The following SUMF1 variants were observed in gnomAD, a reference collection of about 807,000 sequenced individuals.
SUMF1 encodes the protein formylglycine-generating enzyme.
Under a neutral mutation model 47.6 loss-of-function variants are expected in SUMF1, and 48 were observed. The ratio of observed to expected loss-of-function variants is 1.01; its 90% confidence interval spans 0.80 to 1.28. The LOEUF is 1.28. Among genes scored for constraint, SUMF1 ranks in the 50% most tolerant of loss-of-function variants. The pLI, the probability that SUMF1 is intolerant of heterozygous loss-of-function variation, is 0.00. For synonymous variants in SUMF1, 230 were observed against 192.1 expected (o/e 1.20, Z -1.63); for missense variants, 571 against 485.4 (o/e 1.18, Z -1.66).
chr3:4,079,512 G>T (rs993175015), intron 8 of SUMF1, among the ~76,000 whole-genome samples: 1 of 151,716 alleles, frequency 6.6e-6, no homozygotes, highest in African/African-American at 2.4e-5. Context: ...ATGGGCTCTG[G>T]GGTTAGATTT....
intron 8 of SUMF1, among the ~76,000 whole-genome samples, chr3:4,309,969 G>A (rs1418663438): frequency 6.6e-6 from 1 of 152,202 alleles, no homozygotes; most frequent in Non-Finnish European, 1.5e-5. Flanking sequence ...AGATGGTATA[G>A]CCTACTACAC....
chr3:4,373,119 C>CA (rs1326563418), intron 8 of SUMF1, among the ~76,000 whole-genome samples: 1 of 151,884 alleles, frequency 6.6e-6, no homozygotes, highest in Non-Finnish European at 1.5e-5. Flanking sequence ...TTAAATCAAC[C>CA]ACTAAGATTA....
At chr3:4,203,830 C>A (rs1025596000) in intron 8 of SUMF1, among the ~76,000 whole-genome samples, 1 of 151,650 alleles carries the variant, frequency 6.6e-6, no homozygotes, top group Non-Finnish European at 1.5e-5. Flanking sequence ...AAATTGATAA[C>A]AACATTGATT....
chr3:4,436,558 A>G (rs544877781), intron 3 of SUMF1, among the ~76,000 whole-genome samples: 48 of 152,086 alleles, frequency 3.2e-4, no homozygotes, highest in African/African-American at 1.1e-3. Flanking sequence ...AAAGGGCAAT[A>G]TTCAAAAAAA....
At chr3:4,101,340 T>C (rs1162293278) in intron 8 of SUMF1, among the ~76,000 whole-genome samples, 1 of 152,156 alleles carries the variant, frequency 6.6e-6, no homozygotes, top group Non-Finnish European at 1.5e-5. Flanking sequence ...CTGTCATTTA[T>C]GACAATATAG....
intron 8 of SUMF1, among the ~76,000 whole-genome samples, chr3:4,325,155 A>T (rs751130999): frequency 6.6e-6 from 1 of 152,184 alleles, no homozygotes; most frequent in Non-Finnish European, 1.5e-5. Context: ...ACAAATGGGA[A>T]TTGTGGGTGC....
At chr3:4,133,104 T>G (rs1693830420) in intron 8 of SUMF1, among the ~76,000 whole-genome samples, 2 of 152,172 alleles carry the variant, frequency 1.3e-5, no homozygotes, top group African/African-American at 4.8e-5. Context: ...GAAAGAGGAC[T>G]GTAATTGTCA....
chr3:4,254,098 C>T (rs188429981), intron 8 of SUMF1, among the ~76,000 whole-genome samples: 175 of 151,700 alleles, frequency 1.2e-3, no homozygotes, highest in African/African-American at 4.0e-3. Context: ...ACATCCACAC[C>T]GAAAACCCAT....
chr3:4,293,789 C>A, intron 8 of SUMF1, among the ~76,000 whole-genome samples: 1 of 152,186 alleles, frequency 6.6e-6, no homozygotes, highest in Non-Finnish European at 1.5e-5. Context: ...TTAGTAAAAA[C>A]ATCTCTCAAG....
chr3:4,434,826 T>C (rs1020636559), intron 3 of SUMF1, among the ~76,000 whole-genome samples: 2 of 152,094 alleles, frequency 1.3e-5, no homozygotes, highest in Admixed American at 6.5e-5. Context: ...AAAAATTCCC[T>C]AGAGAATTGT....
At chr3:4,095,390 T>C (rs186532905) in intron 8 of SUMF1, among the ~76,000 whole-genome samples, 1 of 152,186 alleles carries the variant, frequency 6.6e-6, no homozygotes, top group Admixed American at 6.5e-5. Flanking sequence ...ATCTAGTACC[T>C]TTCAAAGTTT....
At chr3:4,399,575 C>G (rs550538845) in intron 7 of SUMF1, among the ~76,000 whole-genome samples, 1 of 152,280 alleles carries the variant, frequency 6.6e-6, no homozygotes, top group African/African-American at 2.4e-5. Context: ...CAATCACAGG[C>G]TGAGACAGTG....
chr3:4,337,780 GTT>G (rs1699185566), intron 8 of SUMF1, among the ~76,000 whole-genome samples: 1 of 152,144 alleles, frequency 6.6e-6, no homozygotes, highest in Non-Finnish European at 1.5e-5. Context: ...CCCTCAAACA[GTT>G]TTACAAAGTG....
At chr3:4,219,510 T>G (rs532445933) in intron 8 of SUMF1, among the ~76,000 whole-genome samples, 2 of 152,304 alleles carry the variant, frequency 1.3e-5, no homozygotes, top group South Asian at 2.1e-4. Flanking sequence ...TTCCCTTATA[T>G]CTACCTGTAA....
chr3:4,361,051 C>G (rs554544600), downstream of SUMF1: 1 of 152,106 alleles, frequency 6.6e-6, no homozygotes, highest in South Asian at 2.1e-4. Context: ...CAAACATGAA[C>G]GTTTTCTAGC....
In SUMF1 at chr3:4,361,551, T is replaced by C. The variant is rs1415637393; in HGVS notation, c.*593A>G. 1.3e-5 allele frequency: 2 copies of C among 157,556 alleles called. No homozygotes were observed. The highest frequency in any genetic ancestry group is 2.8e-5 in the Non-Finnish European group (2 of 70,912). The allele number at this position is 157,556 out of a possible 1,614,324, so 9.8% of individuals were successfully genotyped here. ...ATTTCCTTGGAAAAACAAAGTGCAG[T>C]ACGAATATAAAGGAGTCACCACACC... On this transcript the variant is annotated 3_prime_UTR_variant, in exon 9 of 9. Transcript: ENST00000272902.
At chr3:4,311,889 G>A (rs185129307) in intron 8 of SUMF1, among the ~76,000 whole-genome samples, 58 of 152,308 alleles carry the variant, frequency 3.8e-4, no homozygotes, top group African/African-American at 1.3e-3. Context: ...GTTCATGAGA[G>A]ATACTTTAAT....
chr3:4,255,760 C>G (rs313656), intron 8 of SUMF1, among the ~76,000 whole-genome samples: 2 of 114,036 alleles, frequency 1.8e-5, no homozygotes, highest in Non-Finnish European at 3.6e-5. Context: ...CTGCACCAAG[C>G]GGACCTAATA....
chr3:4,241,068 T>C (rs1338090322), intron 8 of SUMF1, among the ~76,000 whole-genome samples: 2 of 152,064 alleles, frequency 1.3e-5, no homozygotes, highest in Non-Finnish European at 2.9e-5. Context: ...TAATTAGTAG[T>C]GGTTGGTTTA....
Sources: allele counts gnomAD v4.1 joint callset (sites outside exome capture counted in the v4.1 genomes callset), GRCh38; gene constraint gnomAD v4.1.1; transcripts MANE v1.5; gene names NCBI Gene and HGNC (gene_info 2026-07-23, HGNC 2026-07-21).